Variants in TBC1D8 observed in about 807,000 individuals in gnomAD.
The protein encoded by TBC1D8 is BUB2-like protein 1.
A neutral mutation model predicts 118.8 loss-of-function variants in TBC1D8; 65 were observed. The observed-to-expected ratio is 0.55, with a 90% CI of 0.45 to 0.67. The LOEUF (loss-of-function observed/expected upper bound fraction) is 0.67. Among genes scored for constraint, TBC1D8 ranks in the 30% least tolerant of loss-of-function variants. TBC1D8 has a pLI of 0.00. For synonymous variants in TBC1D8, 566 were observed against 595.8 expected (o/e 0.95, Z 0.73); for missense variants, 1,376 against 1,471.2 (o/e 0.94, Z 1.06).
At chr2:101,115,724 C>A (rs1677789734) in intron 1 of TBC1D8, among the ~76,000 whole-genome samples, 1 of 152,070 alleles carries the variant, frequency 6.6e-6, no homozygotes, top group Non-Finnish European at 1.5e-5. Flanking sequence ...GCACCCCAGC[C>A]TGGGTGACAA....
intron 2 of TBC1D8, among the ~76,000 whole-genome samples, chr2:101,083,593 C>T (rs1558686199): frequency 6.6e-6 from 1 of 152,160 alleles, no homozygotes; most frequent in African/African-American, 2.4e-5. Context: ...ATGTAGTTCA[C>T]CCATGAAGTT....
intron 17 of TBC1D8, chr2:101,018,033 A>C: frequency 8.6e-7 from 1 of 1,167,884 alleles, no homozygotes; most frequent in Non-Finnish European, 1.2e-6. Flanking sequence ...CTACATATCA[A>C]CCCCTTTTTC....
chr2:101,123,859 G>A (rs1333425321), intron 1 of TBC1D8, among the ~76,000 whole-genome samples: 1 of 152,148 alleles, frequency 6.6e-6, no homozygotes, highest in Non-Finnish European at 1.5e-5. Flanking sequence ...TGTGGGTCAG[G>A]GGGCATCCCC....
At chr2:101,133,378 C>A (rs990146867) in intron 1 of TBC1D8, among the ~76,000 whole-genome samples, 1 of 152,084 alleles carries the variant, frequency 6.6e-6, no homozygotes, top group Non-Finnish European at 1.5e-5. Context: ...ATATTCGCTC[C>A]CTTCCCCTCT....
chr2:101,049,319 C>G (rs1164233100), intron 5 of TBC1D8, among the ~76,000 whole-genome samples: 1 of 152,144 alleles, frequency 6.6e-6, no homozygotes, highest in Non-Finnish European at 1.5e-5. Flanking sequence ...GCAAACAAAC[C>G]ACGTAGCATA....
At position 101,088,477 on chromosome 2, in the gene TBC1D8, G is replaced by A. The variant is rs190900701; in HGVS notation, c.283+1732C>T. Among the ~76,000 whole-genome samples, 435 of 151,944 alleles carry A rather than the reference G, an allele frequency of 2.9e-3. 1 individual carries two copies. Among genetic ancestry groups the A allele is most frequent in the African/African-American group, 9.5e-3 (394 of 41,430 alleles). ...TAATTTTTGTATTTTTAGTAGAGAC[G>A]GGGTTTCACCATCTTGGCCAGGCTG... On this transcript the variant is annotated intron_variant, in intron 2 of 19. Transcript: ENST00000409318.
At chr2:101,056,726 C>T (rs903335723) in intron 3 of TBC1D8, among the ~76,000 whole-genome samples, 12 of 152,098 alleles carry the variant, frequency 7.9e-5, no homozygotes, top group African/African-American at 2.9e-4. Flanking sequence ...ATGAAGGCTC[C>T]GGAGCAGACA....
chr2:101,025,681 A>G (rs1323139677), intron 15 of TBC1D8, among the ~76,000 whole-genome samples: 1 of 152,234 alleles, frequency 6.6e-6, no homozygotes, highest in Non-Finnish European at 1.5e-5. Flanking sequence ...GAAGCAAAAT[A>G]ACACTGAAGA....
intron 2 of TBC1D8, among the ~76,000 whole-genome samples, chr2:101,071,388 A>AATAT (rs1409908338): frequency 3.9e-5 from 6 of 152,116 alleles, no homozygotes; most frequent in African/African-American, 1.4e-4. Flanking sequence ...TAAATAAATA[A>AATAT]ATAAGCATCG....
chr2:101,056,335 C>G lies in TBC1D8; in HGVS notation c.403-1999G>C, dbSNP rs559955298. 1.5e-4 allele frequency among the ~76,000 whole-genome samples: 22 copies of G among 151,078 alleles called. No individual in the cohort carries two copies. In the South Asian group the frequency reaches 4.6e-3, roughly 32 times the overall value. On this transcript the variant is annotated intron_variant, in intron 3 of 19. Transcript: ENST00000409318. ...TCTCCTGCCTCAGTCTCCCAAGTAG[C>G]TGGGACTACAGGTGCCTGCCACCAT...
At chr2:101,095,376 T>G (rs559711029) in intron 1 of TBC1D8, among the ~76,000 whole-genome samples, 9 of 150,650 alleles carry the variant, frequency 6.0e-5, no homozygotes, top group Admixed American at 6.0e-4. Flanking sequence ...GCATTAGGTA[T>G]ATCTCCTAAT....
At chr2:101,008,370 T>A in intron 19 of TBC1D8, 97 bp from the exon 20 acceptor site, 2 of 973,394 alleles carry the variant, frequency 2.1e-6, no homozygotes, top group Non-Finnish European at 2.9e-6. Flanking sequence ...AACGACACAG[T>A]ATTTTTGAAG....
chr2:101,111,344 C>T (rs951434573), intron 1 of TBC1D8, among the ~76,000 whole-genome samples: 5 of 152,160 alleles, frequency 3.3e-5, no homozygotes, highest in Admixed American at 2.0e-4. Flanking sequence ...CAGGATGCTC[C>T]GGCGGTGGCA....
Position 101,050,555 on chromosome 2 carries a change from G to C in TBC1D8, c.718C>G (p.Gln240Glu). 1 of 1,613,988 alleles carries C rather than the reference G, an allele frequency of 6.2e-7. No homozygotes were observed. Among genetic ancestry groups the C allele is most frequent in the Non-Finnish European group, 8.5e-7 (1 of 1,179,884 alleles). Residue 240 changes from glutamine to glutamate, a missense_variant, in exon 5 of 20, where the codon CAG (glutamine) becomes GAG (glutamate). Coordinates refer to ENST00000409318, the MANE Select transcript of TBC1D8 (RefSeq NM_001330348.2). ...FLTDTIRITT[Q>E]NKERDFSMFL... ...ATGGAGAAGTCACGCTCCTTATTCTGCGTGGTGATTCGGATGGTATCCGTC... is the reference window on the plus strand; with the variant it reads ...ATGGAGAAGTCACGCTCCTTATTCTCCGTGGTGATTCGGATGGTATCCGTC...
At chr2:101,080,605 C>A (rs1444311148) in intron 2 of TBC1D8, among the ~76,000 whole-genome samples, 3 of 152,156 alleles carry the variant, frequency 2.0e-5, no homozygotes, top group East Asian at 1.9e-4. Context: ...CCTGACACAC[C>A]CGCAGTGTTA....
At chr2:101,061,668 GTCCC>G (rs1682760312) in intron 2 of TBC1D8, among the ~76,000 whole-genome samples, 1 of 151,840 alleles carries the variant, frequency 6.6e-6, no homozygotes, top group African/African-American at 2.4e-5. Context: ...CTGCCCCTCG[GTCCC>G]ACCTCCCGTG....
At chr2:101,036,823 A>T (rs909201643) in intron 8 of TBC1D8, among the ~76,000 whole-genome samples, 19 of 152,384 alleles carry the variant, frequency 1.2e-4, no homozygotes, top group African/African-American at 4.6e-4. Flanking sequence ...ATAAATACAT[A>T]TATTTAACAT....
In TBC1D8 at chr2:101,090,240, A is replaced by G; in HGVS notation, c.252T>C (p.Asn84=). 1 of 1,614,002 alleles carries G rather than the reference A, an allele frequency of 6.2e-7. No homozygotes were observed. The highest frequency in any genetic ancestry group is 8.5e-7 in the Non-Finnish European group (1 of 1,179,880). The change falls in exon 2 of 20, where the codon AAT becomes AAC. Residue 84 remains asparagine, a synonymous_variant. Transcript: ENST00000409318. Reference sequence around the variant, plus strand: ...CTATGGCCCAGTAAACGTCTGATCCATTCAGTAACTCACCACATGCTATGG... The same window carrying G: ...CTATGGCCCAGTAAACGTCTGATCCGTTCAGTAACTCACCACATGCTATGG... ...YSPIACGELL[N]GSDVYWAIAT...
chr2:101,010,061 C>T (rs188212756), intron 19 of TBC1D8, among the ~76,000 whole-genome samples: 2,987 of 151,976 alleles, frequency 0.02, 106 homozygotes, highest in African/African-American at 0.069. Context: ...CTTCTGACCT[C>T]GTAATCCACC....
Sources: allele counts gnomAD v4.1 joint callset (sites outside exome capture counted in the v4.1 genomes callset), GRCh38; gene constraint gnomAD v4.1.1; transcripts MANE v1.5; gene names NCBI Gene and HGNC (gene_info 2026-07-23, HGNC 2026-07-21).